Variants in MSRA observed in about 807,000 individuals in gnomAD.
The protein encoded by MSRA is methionine sulfoxide reductase A.
Under a neutral mutation model 31.3 loss-of-function variants are expected in MSRA, and 54 were observed. That is an observed-to-expected ratio of 1.73 (90% CI 1.39 to 2.17). MSRA has a LOEUF of 2.17. Among genes scored for constraint, MSRA ranks in the 30% most tolerant of loss-of-function variants. The pLI is 0.00. For missense variants in MSRA, 507 were observed against 300.9 expected (o/e 1.69, Z -5.07); for synonymous variants, 169 against 116.5 (o/e 1.45, Z -2.90).
chr8:10,335,045 G>A (rs1802944775), intron 5 of MSRA, among the ~76,000 whole-genome samples: 1 of 152,194 alleles, frequency 6.6e-6, no homozygotes. Flanking sequence ...CCCCGTGCAG[G>A]TAGAGGCCTG....
chr8:10,113,057 C>G (rs1457401214), intron 1 of MSRA, among the ~76,000 whole-genome samples: 1 of 152,122 alleles, frequency 6.6e-6, no homozygotes, highest in Non-Finnish European at 1.5e-5. Flanking sequence ...TCCATCACCT[C>G]ACAGGTATCC....
intron 1 of MSRA, among the ~76,000 whole-genome samples, chr8:10,092,989 G>C (rs2128928390): frequency 6.6e-6 from 1 of 152,204 alleles, no homozygotes; most frequent in East Asian, 1.9e-4. Flanking sequence ...TTGCTTGTTA[G>C]TATAACCATT....
chr8:10,205,573 C>T (rs1188705571), intron 1 of MSRA, among the ~76,000 whole-genome samples: 3 of 152,006 alleles, frequency 2.0e-5, no homozygotes, highest in Non-Finnish European at 1.5e-5. Context: ...CATCGACAGA[C>T]CTTGATGGAT....
intron 1 of MSRA, among the ~76,000 whole-genome samples, chr8:10,086,350 A>T (rs150845546): frequency 1.3e-5 from 2 of 152,290 alleles, no homozygotes; most frequent in East Asian, 3.9e-4. Flanking sequence ...AAAAGTCAAG[A>T]ATTCTGGTTT....
chr8:10,292,298 G>T (rs1019842939), intron 3 of MSRA, among the ~76,000 whole-genome samples: 3 of 152,152 alleles, frequency 2.0e-5, no homozygotes, highest in African/African-American at 7.2e-5. Flanking sequence ...CAGCACGAGG[G>T]CTCCTCCGGC....
At chr8:10,340,884 C>A (rs1276101252) in intron 5 of MSRA, among the ~76,000 whole-genome samples, 1 of 152,206 alleles carries the variant, frequency 6.6e-6, no homozygotes, top group Non-Finnish European at 1.5e-5. Flanking sequence ...ACAGAAAGAA[C>A]AGTTCTTGTG....
At chr8:10,108,032 G>A (rs1369760787) in intron 1 of MSRA, among the ~76,000 whole-genome samples, 1 of 152,174 alleles carries the variant, frequency 6.6e-6, no homozygotes, top group African/African-American at 2.4e-5. Flanking sequence ...GGTGGTGACA[G>A]AATATAGGGG....
chr8:10,167,238 C>T (rs4255142), intron 1 of MSRA, among the ~76,000 whole-genome samples: 24,169 of 152,154 alleles, frequency 0.16, 2,635 homozygotes, highest in East Asian at 0.46. Context: ...GTTCTGATGT[C>T]AGTGTTGTGA....
chr8:10,071,276 G>A lies in MSRA; in HGVS notation c.142+16618G>A, dbSNP rs145138041. On this transcript the variant is annotated intron_variant, in intron 1 of 5. Coordinates refer to ENST00000317173, the MANE Select transcript of MSRA (RefSeq NM_012331.5). Reference sequence around the variant, plus strand: ...ATAAGGATGTTGAAGATCTTTTAATGTGCTTGTTTGTCATTTGTATATCCT... The same window carrying A: ...ATAAGGATGTTGAAGATCTTTTAATATGCTTGTTTGTCATTTGTATATCCT... 6.7e-4 allele frequency among the ~76,000 whole-genome samples: 102 copies of A among 152,224 alleles called. 1 individual carries two copies. Among genetic ancestry groups the A allele is most frequent in the Non-Finnish European group, 7.8e-4 (53 of 68,008 alleles).
chr8:10,113,677 A>C (rs149075962), intron 1 of MSRA, among the ~76,000 whole-genome samples: 1,528 of 152,188 alleles, frequency 0.01, 28 homozygotes, highest in African/African-American at 0.033. Context: ...ACCCAGTTAA[A>C]GGTGGAAGAC....
At chr8:10,174,195 G>C (rs778484584) in intron 1 of MSRA, among the ~76,000 whole-genome samples, 21 of 152,172 alleles carry the variant, frequency 1.4e-4, no homozygotes, top group Non-Finnish European at 2.5e-4. Context: ...TTTGTTCCTG[G>C]ATATTTTGGT....
chr8:10,075,086 A>G (rs1351415291), intron 1 of MSRA, among the ~76,000 whole-genome samples: 1 of 152,182 alleles, frequency 6.6e-6, no homozygotes, highest in Non-Finnish European at 1.5e-5. Context: ...CATTCATATT[A>G]TTTGAAGACT....
intron 1 of MSRA, among the ~76,000 whole-genome samples, chr8:10,103,406 T>A (rs976549730): frequency 6.6e-6 from 1 of 152,210 alleles, no homozygotes; most frequent in Non-Finnish European, 1.5e-5. Flanking sequence ...TGCTGTAGCA[T>A]TGACAGTGAG....
chr8:10,086,298 A>G (rs762015519), intron 1 of MSRA, among the ~76,000 whole-genome samples: 2 of 152,204 alleles, frequency 1.3e-5, no homozygotes, highest in Non-Finnish European at 2.9e-5. Context: ...TGCTGGTGCT[A>G]CCATTTAATG....
intron 1 of MSRA, among the ~76,000 whole-genome samples, chr8:10,197,175 A>G (rs1808066134): frequency 6.6e-6 from 1 of 152,182 alleles, no homozygotes; most frequent in Admixed American, 6.5e-5. Flanking sequence ...GTCATTAGGA[A>G]TTACTTGTGT....
intron 1 of MSRA, among the ~76,000 whole-genome samples, chr8:10,147,686 A>G (rs1367183844): frequency 6.6e-6 from 1 of 152,114 alleles, no homozygotes; most frequent in Non-Finnish European, 1.5e-5. Flanking sequence ...ATCTGCATGG[A>G]AAGGCTGTAA....
intron 3 of MSRA, among the ~76,000 whole-genome samples, chr8:10,281,569 G>A (rs1238182752): frequency 1.3e-5 from 2 of 152,222 alleles, no homozygotes; most frequent in East Asian, 1.9e-4. Flanking sequence ...GTGAACATAG[G>A]AGCCAGTACA....
intron 2 of MSRA, among the ~76,000 whole-genome samples, chr8:10,215,069 T>C (rs954854310): frequency 1.3e-5 from 2 of 152,130 alleles, no homozygotes; most frequent in African/African-American, 4.8e-5. Context: ...AGGTGGACTG[T>C]AGGTTGGAGG....
intron 1 of MSRA, among the ~76,000 whole-genome samples, chr8:10,100,390 G>T (rs910368967): frequency 9.9e-5 from 15 of 152,084 alleles, no homozygotes; most frequent in African/African-American, 3.6e-4. Context: ...GCTGCAGGAA[G>T]GTACCAAGTC....
Sources: gnomAD v4.1 joint callset for allele counts (sites outside exome capture counted in the v4.1 genomes callset) on GRCh38, gnomAD v4.1.1 for gene constraint, MANE v1.5 for transcripts, NCBI Gene and HGNC (gene_info 2026-07-23, HGNC 2026-07-21) for gene names.